KAZN: variants seen among roughly 807,000 people sequenced by gnomAD.
The protein encoded by KAZN is kazrin, periplakin interacting protein.
Under a neutral mutation model 87.4 loss-of-function variants are expected in KAZN, and 40 were observed. That is an observed-to-expected ratio of 0.46 (90% CI 0.36 to 0.60). The LOEUF (loss-of-function observed/expected upper bound fraction) is 0.60. Ranked by LOEUF, KAZN falls within the 20% of genes least tolerant of loss-of-function variation. KAZN has a pLI of 0.00. For synonymous variants in KAZN, 466 were observed against 458.3 expected (o/e 1.02, Z -0.22); for missense variants, 898 against 1,073.9 (o/e 0.84, Z 2.29).
intron 1 of KAZN, chr1:14,180,302 T>A: frequency 1.5e-6 from 1 of 676,700 alleles, no homozygotes; most frequent in South Asian, 2.1e-5. Context: ...TTTATAGATG[T>A]GTCAAGTTCT....
intron 1 of KAZN, among the ~76,000 whole-genome samples, chr1:14,087,542 T>C (rs967902020): frequency 6.6e-6 from 1 of 152,148 alleles, no homozygotes; most frequent in Non-Finnish European, 1.5e-5. Flanking sequence ...CCAGTTCTTA[T>C]AGGGGAAGCA....
chr1:13,901,861 T>C (rs56074434), intron 1 of KAZN, among the ~76,000 whole-genome samples: 13,515 of 152,338 alleles, frequency 0.089, 824 homozygotes, highest in Non-Finnish European at 0.12. Context: ...CGATGAAGTA[T>C]GCACTAGGAT....
At chr1:15,079,815 G>A (rs1233920751) in intron 8 of KAZN, among the ~76,000 whole-genome samples, 1 of 152,242 alleles carries the variant, frequency 6.6e-6, no homozygotes, top group Non-Finnish European at 1.5e-5. Flanking sequence ...TTGCAATTGA[G>A]ACTATAAGAA....
chr1:14,043,272 A>T (rs1641917211), intron 1 of KAZN, among the ~76,000 whole-genome samples: 1 of 152,226 alleles, frequency 6.6e-6, no homozygotes, highest in African/African-American at 2.4e-5. Flanking sequence ...GCTGAATGAT[A>T]TTCCATTGTA....
intron 2 of KAZN, among the ~76,000 whole-genome samples, chr1:14,277,968 C>T (rs151178980): frequency 1.0e-3 from 155 of 152,044 alleles, no homozygotes; most frequent in African/African-American, 3.4e-3. Context: ...TCCACCCTCA[C>T]GTTTATTTAC....
intron 2 of KAZN, among the ~76,000 whole-genome samples, chr1:14,430,101 G>T (rs372624279): frequency 4.0e-5 from 6 of 151,344 alleles, no homozygotes; most frequent in Non-Finnish European, 2.9e-5. Flanking sequence ...CCAAACGACC[G>T]CATGGCTTAC....
chr1:14,685,333 G>T (rs2148771102), intron 1 of KAZN, among the ~76,000 whole-genome samples: 1 of 152,328 alleles, frequency 6.6e-6, no homozygotes, highest in South Asian at 2.1e-4. Flanking sequence ...TCAGTCGTTG[G>T]TATGGGAACT....
In KAZN at chr1:14,184,446, ATTTGTGTTC is replaced by A. The variant is rs796317367; in HGVS notation, c.249+3855_249+3863del. Among the ~76,000 whole-genome samples the A allele has an allele frequency of 1.3e-5, 2 of 151,136 alleles. No individual in the cohort carries two copies. Among genetic ancestry groups the A allele is most frequent in the African/African-American group, 4.9e-5 (2 of 41,106 alleles). Reference sequence around the variant, plus strand: ...TTCCTTGTCTGTCTTTCTTTCTGTTATTTGTGTTCGGGGAACTGGAAAGCACATTTGCCA... The same window carrying A: ...TTCCTTGTCTGTCTTTCTTTCTGTTAGGGGAACTGGAAAGCACATTTGCCA... On this transcript the variant is annotated intron_variant, in intron 2 of 16. Transcript: ENST00000636203. This position sits in a 1 kb window ranked among gnomAD's most constrained non-coding sequence, Gnocchi z 4.2.
chr1:14,878,309 G>T lies in KAZN; in HGVS notation c.227-82375G>T, dbSNP rs186407228. Among the ~76,000 whole-genome samples the T allele has an allele frequency of 3.8e-3, 566 of 150,528 alleles. 6 individuals are homozygous for T. The highest frequency in any genetic ancestry group is 0.012 in the African/African-American group (477 of 41,320). On this transcript the variant is annotated intron_variant, in intron 1 of 14. Coordinates refer to ENST00000376030, the MANE Select transcript of KAZN (RefSeq NM_201628.3). ...GGAGTTAAACATTAACAGTTCTTTG[G>T]GGGGGTGGCTGTCCTGTGCATTGTA...
At chr1:14,271,086 C>T (rs756955451) in intron 2 of KAZN, among the ~76,000 whole-genome samples, 34 of 152,326 alleles carry the variant, frequency 2.2e-4, no homozygotes, top group African/African-American at 4.3e-4. Flanking sequence ...TTGGCTACTC[C>T]GAAGGCTCTC....
chr1:14,466,295 T>C (rs1236785040), intron 2 of KAZN, among the ~76,000 whole-genome samples: 1 of 151,604 alleles, frequency 6.6e-6, no homozygotes, highest in Non-Finnish European at 1.5e-5. Context: ...CAGGACACTT[T>C]GAGTTATAAG....
chr1:13,945,718 A>T (rs867283374), intron 1 of KAZN, among the ~76,000 whole-genome samples: 2,928 of 74,000 alleles, frequency 0.04, 51 homozygotes, highest in African/African-American at 0.077. Flanking sequence ...TGTGAGAGAG[A>T]GAGAGAGAGA....
intron 2 of KAZN, among the ~76,000 whole-genome samples, chr1:14,494,102 C>T (rs1055480259): frequency 1.3e-5 from 2 of 152,166 alleles, no homozygotes; most frequent in Non-Finnish European, 2.9e-5. Context: ...ATGGATGTTT[C>T]ATTCATTCAT....
intron 1 of KAZN, among the ~76,000 whole-genome samples, chr1:14,043,471 A>G (rs1570598945): frequency 6.6e-6 from 1 of 152,204 alleles, no homozygotes; most frequent in African/African-American, 2.4e-5. Flanking sequence ...TGCTGGATCA[A>G]ATGGTAATTC....
chr1:14,919,190 T>G (rs1658224876), intron 1 of KAZN, among the ~76,000 whole-genome samples: 1 of 152,154 alleles, frequency 6.6e-6, no homozygotes. Flanking sequence ...TTTGTTTGTT[T>G]GTTTTTGAGA....
At chr1:14,864,697 C>A (rs1157160095) in intron 1 of KAZN, among the ~76,000 whole-genome samples, 1 of 152,160 alleles carries the variant, frequency 6.6e-6, no homozygotes, top group Non-Finnish European at 1.5e-5. Flanking sequence ...CACCACCCTC[C>A]ATCCCCCAAC....
At chr1:14,470,437 CAGAG>C (rs776089301) in intron 2 of KAZN, among the ~76,000 whole-genome samples, 1 of 152,148 alleles carries the variant, frequency 6.6e-6, no homozygotes, top group Non-Finnish European at 1.5e-5. Flanking sequence ...TACACCAAAG[CAGAG>C]AGAAAGGTTA....
chr1:14,430,507 G>A (rs542948142), intron 2 of KAZN, among the ~76,000 whole-genome samples: 3 of 152,270 alleles, frequency 2.0e-5, no homozygotes, highest in African/African-American at 4.8e-5. Context: ...TTTTATGCAC[G>A]ATATGATTTT....
At chr1:14,394,607 C>T (rs1208974159) in intron 2 of KAZN, among the ~76,000 whole-genome samples, 1 of 152,124 alleles carries the variant, frequency 6.6e-6, no homozygotes, top group African/African-American at 2.4e-5. Context: ...TATATTAACC[C>T]CATTTAAACC....
Sources: allele counts gnomAD v4.1 joint callset (sites outside exome capture counted in the v4.1 genomes callset), GRCh38; gene constraint gnomAD v4.1.1; non-coding constraint Gnocchi (gnomAD v3.1); transcripts MANE v1.5; gene names NCBI Gene and HGNC (gene_info 2026-07-23, HGNC 2026-07-21).